The following DNAJC1 variants were observed in gnomAD, a reference collection of about 807,000 sequenced individuals.
DNAJC1 encodes dnaJ homolog subfamily C member 1.
In DNAJC1, 58 loss-of-function variants were observed where a neutral mutation model predicts 76.6. The observed-to-expected ratio is 0.76, with a 90% CI of 0.61 to 0.94. DNAJC1 has a LOEUF of 0.94. Among genes scored for constraint, DNAJC1 ranks in the 40% least tolerant of loss-of-function variants. DNAJC1 has a pLI of 0.00. For synonymous variants in DNAJC1, 258 were observed against 267.9 expected (o/e 0.96, Z 0.36); for missense variants, 689 against 677.3 (o/e 1.02, Z -0.19).
At chr10:21,854,773 CTACTT>C (rs1323657596) in intron 8 of DNAJC1, among the ~76,000 whole-genome samples, 2 of 152,016 alleles carry the variant, frequency 1.3e-5, no homozygotes, top group African/African-American at 2.4e-5. Flanking sequence ...AACAAAAGAC[CTACTT>C]TAAAGACTTA....
intron 1 of DNAJC1, among the ~76,000 whole-genome samples, chr10:21,943,225 A>C (rs753749650): frequency 6.6e-6 from 1 of 152,218 alleles, no homozygotes; most frequent in Non-Finnish European, 1.5e-5. Context: ...AGAACAATTA[A>C]AATACACCAA....
intron 8 of DNAJC1, among the ~76,000 whole-genome samples, chr10:21,841,857 A>G (rs1030577501): frequency 6.6e-6 from 1 of 152,176 alleles, no homozygotes; most frequent in Non-Finnish European, 1.5e-5. Context: ...TAAATATCCA[A>G]CAATGATAGA....
intron 7 of DNAJC1, among the ~76,000 whole-genome samples, chr10:21,891,587 T>C (rs1348888155): frequency 1.3e-5 from 2 of 151,940 alleles, no homozygotes; most frequent in Non-Finnish European, 2.9e-5. Flanking sequence ...ACCTTATCTG[T>C]AGTAGAAGTA....
rs1328351331 is a variant in DNAJC1 at position 21,868,079 on chromosome 10, A to AAAAAAAAAAC, written c.978+14202_978+14203insGTTTTTTTTT. Among the ~76,000 whole-genome samples, 471 of 124,680 alleles carry AAAAAAAAAAC rather than the reference A, an allele frequency of 3.8e-3. 17 individuals carry two copies. The highest frequency in any genetic ancestry group is 4.7e-3 in the African/African-American group (157 of 33,356). The allele number at this position is 124,680 out of a possible 152,430, so 81.8% of individuals were successfully genotyped here. On this transcript the variant is annotated intron_variant, in intron 8 of 11. Transcript: ENST00000376980. Reference sequence around the variant, plus strand: ...TGACAGAGCAAGATTCTGTCTCCAAAAAAAAAAAAACAAAAAAAAAAACAA... The same window carrying AAAAAAAAAAC: ...TGACAGAGCAAGATTCTGTCTCCAAAAAAAAAAAACAAAAAAAAAACAAAAAAAAAAACAA...
Position 21,891,306 on chromosome 10 carries a change from T to C in DNAJC1, c.821-8867A>G, listed in dbSNP as rs114503321. ...CAAATAAAAAGTTTCAGCAAAAAAA[T>C]AGAAGACATATAGAAGAACCAAATG... On this transcript the variant is annotated intron_variant, in intron 7 of 11. Coordinates refer to ENST00000376980, the MANE Select transcript of DNAJC1 (RefSeq NM_022365.4). Among the ~76,000 whole-genome samples the C allele has an allele frequency of 9.1e-3, 1,377 of 150,810 alleles. 31 individuals are homozygous for C. The highest frequency in any genetic ancestry group is 0.032 in the African/African-American group (1,319 of 41,076).
intron 9 of DNAJC1, among the ~76,000 whole-genome samples, chr10:21,789,242 T>G (rs910614505): frequency 1.3e-5 from 2 of 152,202 alleles, no homozygotes; most frequent in Non-Finnish European, 2.9e-5. Flanking sequence ...CCTAGGCCAC[T>G]GAGGCAGTCA....
chr10:21,915,765 A>C lies in DNAJC1; in HGVS notation c.729+3014T>G, dbSNP rs185030909. 2.6e-5 allele frequency among the ~76,000 whole-genome samples: 4 copies of C among 152,132 alleles called. No individual in the cohort carries two copies. The East Asian group carries it at 7.8e-4, about 29-fold the overall frequency. ...ATAAGAATTGTTTCTATGAAAACCA[A>C]GTTGAATGCTTTGGCAAGCTCAAAA... is the stretch of plus-strand genomic sequence containing the variant. On this transcript the variant is annotated intron_variant, in intron 6 of 11. Coordinates refer to ENST00000376980, the MANE Select transcript of DNAJC1 (RefSeq NM_022365.4).
chr10:21,938,919 T>C (rs1837359611), intron 1 of DNAJC1, among the ~76,000 whole-genome samples: 2 of 152,150 alleles, frequency 1.3e-5, no homozygotes, highest in Admixed American at 1.3e-4. Context: ...TGAGACGGAG[T>C]CTCGCTCTGT....
At chr10:21,792,835 T>A (rs1834708461) in intron 9 of DNAJC1, among the ~76,000 whole-genome samples, 1 of 150,700 alleles carries the variant, frequency 6.6e-6, no homozygotes, top group South Asian at 2.1e-4. Context: ...CAAGTGGGAA[T>A]GTAAGGTTGG....
At position 21,759,280 on chromosome 10, in the gene DNAJC1, GCTC is replaced by G; in HGVS notation, c.1483_1485del (p.Glu495del). ...AGTTTCTGTTGATTTTGAGTCCACG[GCTC>G]CTCTGCAGACCGAGCTCTCTCTTTT... On this transcript the variant is annotated inframe_deletion, in exon 11 of 12. Coordinates refer to ENST00000376980, the MANE Select transcript of DNAJC1 (RefSeq NM_022365.4). 6.2e-7 allele frequency: 1 copy of G among 1,614,210 alleles called. No individual in the cohort carries two copies. Among genetic ancestry groups the G allele is most frequent in the African/African-American group, 1.3e-5 (1 of 75,048 alleles).
chr10:21,962,239 G>A (rs1436411922), intron 1 of DNAJC1, among the ~76,000 whole-genome samples: 2 of 151,904 alleles, frequency 1.3e-5, no homozygotes, highest in Admixed American at 6.6e-5. Flanking sequence ...TTAATGCTGT[G>A]CCCCTAAAAC....
At chr10:21,981,958 CA>C (rs1838165658) in intron 1 of DNAJC1, among the ~76,000 whole-genome samples, 1 of 152,154 alleles carries the variant, frequency 6.6e-6, no homozygotes, top group African/African-American at 2.4e-5. Context: ...CATTCCCCAC[CA>C]ACCCCCAGGC....
chr10:21,966,890 T>C (rs1837899957), intron 1 of DNAJC1, among the ~76,000 whole-genome samples: 3 of 152,150 alleles, frequency 2.0e-5, no homozygotes, highest in Admixed American at 6.5e-5. Flanking sequence ...TTTCACCACG[T>C]TGCCCAGGCT....
chr10:21,835,189 C>A (rs1166600523), intron 8 of DNAJC1, among the ~76,000 whole-genome samples: 1 of 152,190 alleles, frequency 6.6e-6, no homozygotes, highest in African/African-American at 2.4e-5. Context: ...TGTTCTGCAG[C>A]CACCGCTGCT....
chr10:21,917,769 T>C (rs1302789793), intron 6 of DNAJC1, among the ~76,000 whole-genome samples: 2 of 152,034 alleles, frequency 1.3e-5, no homozygotes, highest in Non-Finnish European at 2.9e-5. Context: ...CAATAACTAT[T>C]AAGATGAACT....
intron 6 of DNAJC1, among the ~76,000 whole-genome samples, chr10:21,915,820 T>C (rs935197125): frequency 6.7e-6 from 1 of 149,534 alleles, no homozygotes; most frequent in Non-Finnish European, 1.5e-5. Flanking sequence ...TGTTTTAATG[T>C]CCCACCTAGG....
At chr10:21,799,971 A>C (rs1432616799) in intron 9 of DNAJC1, among the ~76,000 whole-genome samples, 1 of 152,122 alleles carries the variant, frequency 6.6e-6, no homozygotes, top group Non-Finnish European at 1.5e-5. Flanking sequence ...GAGACATCTT[A>C]TCCATAGAAA....
intron 1 of DNAJC1, among the ~76,000 whole-genome samples, chr10:21,976,130 T>G (rs1045764662): frequency 1.3e-5 from 2 of 152,188 alleles, no homozygotes; most frequent in Non-Finnish European, 2.9e-5. Context: ...AATAAGATTT[T>G]TTTTCAAAAG....
intron 8 of DNAJC1, among the ~76,000 whole-genome samples, chr10:21,840,701 C>T (rs887848994): frequency 6.6e-6 from 1 of 152,120 alleles, no homozygotes; most frequent in Non-Finnish European, 1.5e-5. Flanking sequence ...AGATTCAGTG[C>T]CATCCCCATC....
Sources: gnomAD v4.1 joint callset for allele counts (sites outside exome capture counted in the v4.1 genomes callset) on GRCh38, gnomAD v4.1.1 for gene constraint, MANE v1.5 for transcripts, NCBI Gene and HGNC (gene_info 2026-07-23, HGNC 2026-07-21) for gene names.